XRCC4: variants seen among roughly 807,000 people sequenced by gnomAD.
XRCC4 encodes X-ray repair cross complementing 4.
Under a neutral mutation model 39.1 loss-of-function variants are expected in XRCC4, and 28 were observed. The observed-to-expected ratio is 0.72, with a 90% CI of 0.53 to 0.98. The LOEUF (loss-of-function observed/expected upper bound fraction) is 0.98, where lower values mean the gene tolerates loss of function less well. XRCC4 is among the 50% of genes least tolerant of loss of function. The pLI is 0.00. For missense variants in XRCC4, 350 were observed against 376.4 expected, an observed-to-expected ratio of 0.93 and a Z score of 0.58; for synonymous variants, 123 against 126.4, an observed-to-expected ratio of 0.97 and a Z score of 0.18.
At position 83,353,131 on chromosome 5, in the gene XRCC4, G is replaced by A. The variant is rs374723855; in HGVS notation, c.894G>A (p.Lys298=). 21 of 1,597,800 alleles carry A rather than the reference G, an allele frequency of 1.3e-5. No individual in the cohort carries two copies. The highest frequency in any genetic ancestry group is 5.4e-5 in the Admixed American group (3 of 55,818). ...PQENQLQEKE[K]PDSSLPETSK... Reference sequence around the variant, plus strand: ...ATTTTGATTTTCTTTTCAGTTCTAGGCCTGATTCTTCACTACCTGAGACGT... The same window carrying A: ...ATTTTGATTTTCTTTTCAGTTCTAGACCTGATTCTTCACTACCTGAGACGT... Residue 298 remains lysine (K), a splice_region_variant and synonymous_variant, in exon 8 of 8, where the codon AAG becomes AAA. Transcript: ENST00000396027.
At chr5:83,369,852 A>C in the XRCC4 span, among the ~76,000 whole-genome samples, 1 of 152,278 alleles carries the variant, frequency 6.6e-6, no homozygotes, top group South Asian at 2.1e-4. Flanking sequence ...GGCAGGACTA[A>C]TTTACATTCC....
intron 7 of XRCC4, among the ~76,000 whole-genome samples, chr5:83,267,053 G>T (rs1430202780): frequency 6.6e-6 from 1 of 152,126 alleles, no homozygotes; most frequent in Non-Finnish European, 1.5e-5. Context: ...TGTCTAGATT[G>T]TGCCAAATTC....
chr5:83,119,524 G>A (rs1419190631), intron 3 of XRCC4, among the ~76,000 whole-genome samples: 1 of 151,952 alleles, frequency 6.6e-6, no homozygotes, highest in Non-Finnish European at 1.5e-5. Flanking sequence ...AAATATCAGT[G>A]TTTAGTTATA....
chr5:83,092,260 C>T (rs1034093491), intron 1 of XRCC4, among the ~76,000 whole-genome samples: 1 of 151,984 alleles, frequency 6.6e-6, no homozygotes, highest in Non-Finnish European at 1.5e-5. Context: ...GGATATTAGC[C>T]CTTTACCAAA....
chr5:83,121,973 T>C (rs1257145124), intron 3 of XRCC4, among the ~76,000 whole-genome samples: 1 of 152,138 alleles, frequency 6.6e-6, no homozygotes, highest in Non-Finnish European at 1.5e-5. Flanking sequence ...TTGTTGAAAA[T>C]CAATTAACCA....
intron 6 of XRCC4, among the ~76,000 whole-genome samples, chr5:83,250,937 A>G (rs1753284001): frequency 6.6e-6 from 1 of 152,184 alleles, no homozygotes; most frequent in African/African-American, 2.4e-5. Flanking sequence ...CCTTTGGACT[A>G]TTAAATTAGT....
chr5:83,134,576 C>A (rs939233143), intron 3 of XRCC4, among the ~76,000 whole-genome samples: 3 of 152,166 alleles, frequency 2.0e-5, no homozygotes, highest in African/African-American at 7.2e-5. Context: ...CCAATCAGCT[C>A]TCTGCAAAAT....
chr5:83,206,719 A>G (rs1751436704), intron 6 of XRCC4, among the ~76,000 whole-genome samples: 1 of 152,142 alleles, frequency 6.6e-6, no homozygotes. Flanking sequence ...GATGAGAGTA[A>G]CTAAAGAGAG....
chr5:83,325,929 T>C (rs1403456138), intron 7 of XRCC4, among the ~76,000 whole-genome samples: 2 of 152,156 alleles, frequency 1.3e-5, no homozygotes, highest in African/African-American at 4.8e-5. Flanking sequence ...CCACTAACAG[T>C]GTAAAAGCAT....
At chr5:83,097,465 G>GT (rs1432822846) in intron 1 of XRCC4, among the ~76,000 whole-genome samples, 1 of 151,550 alleles carries the variant, frequency 6.6e-6, no homozygotes, top group African/African-American at 2.4e-5. Flanking sequence ...GGGTTTGTGA[G>GT]TGGGGGGAAA....
chr5:83,167,546 T>A (rs1451853223), intron 3 of XRCC4, among the ~76,000 whole-genome samples: 2 of 152,208 alleles, frequency 1.3e-5, no homozygotes, highest in Admixed American at 1.3e-4. Context: ...GGGGGTCATT[T>A]GGTCTATACA....
At chr5:83,190,636 A>C (rs746376161) in intron 3 of XRCC4, among the ~76,000 whole-genome samples, 1 of 152,198 alleles carries the variant, frequency 6.6e-6, no homozygotes, top group Non-Finnish European at 1.5e-5. Flanking sequence ...CAGGATATCA[A>C]ATCACACCTT....
At chr5:83,123,491 G>A (rs1747110315) in intron 3 of XRCC4, among the ~76,000 whole-genome samples, 1 of 151,566 alleles carries the variant, frequency 6.6e-6, no homozygotes, top group Non-Finnish European at 1.5e-5. Context: ...CTATCAATCT[G>A]TGTTTTTCCA....
chr5:83,321,636 A>C (rs967635517), intron 7 of XRCC4, among the ~76,000 whole-genome samples: 1 of 152,142 alleles, frequency 6.6e-6, no homozygotes, highest in Non-Finnish European at 1.5e-5. Flanking sequence ...CTGTACACAC[A>C]AACAACTTGA....
In XRCC4 at chr5:83,153,527, G is replaced by C. The variant is rs535794243; in HGVS notation, c.316-42243G>C. Among the ~76,000 whole-genome samples the C allele has an allele frequency of 2.6e-4, 40 of 152,256 alleles. 1 individual carries two copies. Among genetic ancestry groups the C allele is most frequent in the Middle Eastern group, 3.4e-3 (1 of 294 alleles). Reference sequence around the variant, plus strand: ...AAGACATGAACAGCCATTTCACCAAGGATGATATATAGGTGGCAGATAAGC... The same window carrying C: ...AAGACATGAACAGCCATTTCACCAACGATGATATATAGGTGGCAGATAAGC... On this transcript the variant is annotated intron_variant, in intron 3 of 7. Transcript: ENST00000396027.
intron 3 of XRCC4, among the ~76,000 whole-genome samples, chr5:83,173,749 G>T (rs1580328297): frequency 6.6e-6 from 1 of 152,150 alleles, no homozygotes; most frequent in East Asian, 1.9e-4. Context: ...GTCCAGTTGA[G>T]AACAACCTAA....
chr5:83,339,161 A>C (rs933318810), intron 7 of XRCC4, among the ~76,000 whole-genome samples: 4 of 152,210 alleles, frequency 2.6e-5, no homozygotes, highest in African/African-American at 9.7e-5. Context: ...TATATTTAAA[A>C]CATCAATTTA....
At chr5:83,154,963 A>T (rs892700224) in intron 3 of XRCC4, among the ~76,000 whole-genome samples, 3 of 152,154 alleles carry the variant, frequency 2.0e-5, no homozygotes, top group Non-Finnish European at 4.4e-5. Context: ...TTCTCTGCAG[A>T]AATCACACTA....
chr5:83,273,849 A>G (rs1754229898), intron 7 of XRCC4, among the ~76,000 whole-genome samples: 2 of 150,346 alleles, frequency 1.3e-5, no homozygotes, highest in African/African-American at 4.9e-5. Flanking sequence ...GTCAGGTAGC[A>G]TGGTGCCACT....
Sources: gnomAD v4.1 joint callset for allele counts (sites outside exome capture counted in the v4.1 genomes callset) on GRCh38, gnomAD v4.1.1 for gene constraint, MANE v1.5 for transcripts, NCBI Gene and HGNC (gene_info 2026-07-23, HGNC 2026-07-21) for gene names.